The following ANKRD55 variants were observed in gnomAD, a reference collection of about 807,000 sequenced individuals.
ANKRD55 encodes ankyrin repeat domain 55, also known as ankyrin repeat domain-containing protein 55.
A neutral mutation model predicts 60.6 loss-of-function variants in ANKRD55; 41 were observed. The ratio of observed to expected loss-of-function variants is 0.68; its 90% CI spans 0.53 to 0.88. The LOEUF is 0.88. ANKRD55 is among the 40% of genes least tolerant of loss of function. The pLI is 0.00. For synonymous variants in ANKRD55, 264 were observed against 290.3 expected (o/e 0.91, Z 0.92); for missense variants, 732 against 767.6 (o/e 0.95, Z 0.55).
chr5:56,166,334 C>T (rs922018488), intron 5 of ANKRD55, among the ~76,000 whole-genome samples: 3 of 151,192 alleles, frequency 2.0e-5, no homozygotes, highest in African/African-American at 4.9e-5. Context: ...CATAGCTCAC[C>T]GCAGCCTCGA....
chr5:56,154,055 CAAA>C (rs940244381), intron 6 of ANKRD55, among the ~76,000 whole-genome samples: 1 of 146,934 alleles, frequency 6.8e-6, no homozygotes. Flanking sequence ...ACTAAAAATA[CAAA>C]AAAAATTAGC....
At chr5:56,203,299 A>G (rs754751267) in intron 2 of ANKRD55, among the ~76,000 whole-genome samples, 1 of 152,158 alleles carries the variant, frequency 6.6e-6, no homozygotes, top group Non-Finnish European at 1.5e-5. Flanking sequence ...TGCTGTTCTC[A>G]TAATAGTGAG....
At chr5:56,183,730 A>C in intron 2 of ANKRD55, 96 bp from the exon 3 acceptor site, 4 of 1,497,560 alleles carry the variant, frequency 2.7e-6, no homozygotes, top group Non-Finnish European at 3.6e-6. Flanking sequence ...TGATTCATTA[A>C]AACTTCTCAA....
In ANKRD55 at chr5:56,143,851, G is replaced by T. The variant is rs1427350767; in HGVS notation, c.562C>A (p.Pro188Thr). Reference sequence around the variant, plus strand: ...TTAAAGTCTTTATCCACAAGGGTGGGGTCTGCCCCCTTCTTCAGCAGCATT... The same window carrying T: ...TTAAAGTCTTTATCCACAAGGGTGGTGTCTGCCCCCTTCTTCAGCAGCATT... ...TQMLLKKGADPTLVDKDFKTA... is the reference protein window; with the variant it reads ...TQMLLKKGADTTLVDKDFKTA... Residue 188 changes from proline (P) to threonine (T), a missense_variant, in exon 7 of 12, where the codon CCC becomes ACC. By Grantham distance (38) the Pro-to-Thr change is conservative. Transcript: ENST00000341048. 1 of 1,614,032 alleles carries T rather than the reference G, an allele frequency of 6.2e-7. No individual in the cohort carries two copies. Among genetic ancestry groups the T allele is most frequent in the Non-Finnish European group, 8.5e-7 (1 of 1,180,030 alleles).
At chr5:56,175,916 A>G (rs1758726407) in intron 4 of ANKRD55, among the ~76,000 whole-genome samples, 2 of 152,184 alleles carry the variant, frequency 1.3e-5, no homozygotes, top group South Asian at 2.1e-4. Flanking sequence ...TGTTTCCCTA[A>G]TGGCCATATC....
In ANKRD55 at chr5:56,176,298, TC is replaced by T; in HGVS notation, c.182-17del. 6.2e-7 allele frequency: 1 copy of T among 1,614,186 alleles called. No individual in the cohort carries two copies. Among genetic ancestry groups the T allele is most frequent in the Non-Finnish European group, 8.5e-7 (1 of 1,180,010 alleles). On this transcript the variant is annotated splice_polypyrimidine_tract_variant and intron_variant, in intron 3 of 11. Coordinates refer to ENST00000341048, the MANE Select transcript of ANKRD55 (RefSeq NM_024669.3). Reference sequence around the variant, plus strand: ...GGCGTGCATCCTGGAATGAGACATTTCAACAGCCTTTAAACATGTGTGACCC... The same window carrying T: ...GGCGTGCATCCTGGAATGAGACATTTAACAGCCTTTAAACATGTGTGACCC...
chr5:56,127,605 A>G (rs1757306816), intron 7 of ANKRD55: 1 of 983,902 alleles, frequency 1.0e-6, no homozygotes, highest in African/African-American at 1.7e-5. Context: ...AGGGCCAAGG[A>G]GCAGGGGGCT....
intron 2 of ANKRD55, among the ~76,000 whole-genome samples, chr5:56,231,651 GCGCA>G (rs1193987065): frequency 1.8e-5 from 2 of 113,528 alleles, no homozygotes; most frequent in Non-Finnish European, 3.8e-5. Flanking sequence ...TTCTGAAGGC[GCGCA>G]CACACACACA....
intron 7 of ANKRD55, chr5:56,137,374 A>T: frequency 2.5e-6 from 3 of 1,185,946 alleles, no homozygotes; most frequent in African/African-American, 1.5e-5. Context: ...TACAGAGCTC[A>T]TGGTCGGATT....
rs1182603115 is a variant in ANKRD55, at chr5:56,173,582, C to CTATATA, written c.312+2564_312+2569dup. 4.2e-3 allele frequency among the ~76,000 whole-genome samples: 191 copies of CTATATA among 45,194 alleles called. 3 individuals carry two copies. Among genetic ancestry groups the CTATATA allele is most frequent in the South Asian group, 7.7e-3 (5 of 646 alleles). 29.6% of individuals were successfully genotyped at this position (45,194 alleles called of 152,430 possible). ...TCTCTCTCTCTCTCTCTCTCTCTCT[C>CTATATA]TATATATATATATATATATATATAT... On this transcript the variant is annotated intron_variant, in intron 4 of 11. Transcript: ENST00000341048.
chr5:56,223,032 A>C (rs1275197361), intron 2 of ANKRD55, among the ~76,000 whole-genome samples: 1 of 152,180 alleles, frequency 6.6e-6, no homozygotes, highest in Non-Finnish European at 1.5e-5. Context: ...AAGAAGACCA[A>C]CTCCAAGACA....
At chr5:56,125,383 C>A (rs559140968) in intron 8 of ANKRD55, among the ~76,000 whole-genome samples, 2 of 151,750 alleles carry the variant, frequency 1.3e-5, no homozygotes, top group Admixed American at 6.6e-5. Flanking sequence ...TGGGTTCAAG[C>A]GATTCTCCTG....
chr5:56,131,789 C>T (rs1325448685), intron 7 of ANKRD55, among the ~76,000 whole-genome samples: 3 of 90,410 alleles, frequency 3.3e-5, no homozygotes, highest in Admixed American at 3.0e-4. Flanking sequence ...GAGCAAGACT[C>T]CGTCTCAAAA....
At chr5:56,134,580 CAAA>C (rs56053693) in intron 7 of ANKRD55, among the ~76,000 whole-genome samples, 26 of 109,548 alleles carry the variant, frequency 2.4e-4, no homozygotes, top group South Asian at 2.9e-4. Flanking sequence ...GACTCTGTCT[CAAA>C]AAAAAAAAAA....
At chr5:56,114,831 C>T (rs1318270233) in intron 9 of ANKRD55, among the ~76,000 whole-genome samples, 2 of 152,118 alleles carry the variant, frequency 1.3e-5, no homozygotes, top group East Asian at 1.9e-4. Flanking sequence ...TGAGATACAC[C>T]TGCCTTTTCC....
At chr5:56,175,490 A>C (rs1376100569) in intron 4 of ANKRD55, among the ~76,000 whole-genome samples, 1 of 152,168 alleles carries the variant, frequency 6.6e-6, no homozygotes, top group African/African-American at 2.4e-5. Flanking sequence ...TTGCAGGAAG[A>C]GTTTGAGAGG....
chr5:56,204,631 C>G (rs961394463), intron 2 of ANKRD55, among the ~76,000 whole-genome samples: 6 of 152,054 alleles, frequency 3.9e-5, no homozygotes, highest in African/African-American at 1.2e-4. Flanking sequence ...TGAGGCCTCC[C>G]CGACACTGCA....
intron 3 of ANKRD55, among the ~76,000 whole-genome samples, chr5:56,180,723 TG>T (rs764572110): frequency 3.9e-5 from 6 of 152,234 alleles, no homozygotes; most frequent in Non-Finnish European, 8.8e-5. Context: ...AATGGTATTA[TG>T]GTTTAAAATT....
intron 7 of ANKRD55, among the ~76,000 whole-genome samples, chr5:56,138,023 C>A (rs774965698): frequency 2.0e-5 from 3 of 152,074 alleles, no homozygotes; most frequent in Non-Finnish European, 4.4e-5. Flanking sequence ...ACTGACAATA[C>A]CAAACGCTGG....
Sources: allele counts gnomAD v4.1 joint callset (sites outside exome capture counted in the v4.1 genomes callset), GRCh38; gene constraint gnomAD v4.1.1; transcripts MANE v1.5; gene names NCBI Gene and HGNC (gene_info 2026-07-23, HGNC 2026-07-21).